Variants in AGAP1 observed in about 807,000 individuals in gnomAD.
AGAP1 encodes ArfGAP with GTPase domain, ankyrin repeat and PH domain 1.
AGAP1 carries 29 observed loss-of-function variants against 105.3 expected under a neutral mutation model. The ratio of observed to expected loss-of-function variants is 0.28; its 90% CI spans 0.21 to 0.38. The LOEUF is 0.38. Among genes scored for constraint, AGAP1 ranks in the 10% least tolerant of loss-of-function variants. AGAP1 has a pLI of 1.00. For missense variants in AGAP1, 998 were observed against 1,165.1 expected (o/e 0.86, Z 2.09); for synonymous variants, 509 against 485.9 (o/e 1.05, Z -0.63).
At chr2:235,779,013 A>G (rs1274257116) in intron 6 of AGAP1, among the ~76,000 whole-genome samples, 1 of 152,218 alleles carries the variant, frequency 6.6e-6, no homozygotes, top group African/African-American at 2.4e-5. Context: ...AAGGAAACTG[A>G]GCCACAAAAG....
At chr2:236,099,427 C>G (rs1329238419) in intron 16 of AGAP1, among the ~76,000 whole-genome samples, 1 of 151,822 alleles carries the variant, frequency 6.6e-6, no homozygotes, top group Non-Finnish European at 1.5e-5. Flanking sequence ...TGCACTCCAG[C>G]CTGGGCGACA....
rs373664289 is a variant in AGAP1 at position 235,596,196 on chromosome 2, C to T, written c.163+101347C>T. The stretch of plus-strand genomic sequence containing the variant: ...TATCCATGAACACTGTAAACATTCC[C>T]AGCTCCATCTAAGGTGATTAAACGG... On this transcript the variant is annotated intron_variant, in intron 1 of 17. Coordinates refer to ENST00000304032, the MANE Select transcript of AGAP1 (RefSeq NM_001037131.3). This position sits in a 1 kb window ranked among gnomAD's most constrained non-coding sequence, Gnocchi z 5.9. Among the ~76,000 whole-genome samples, 2 of 152,334 alleles carry T rather than the reference C, an allele frequency of 1.3e-5. No individual in the cohort carries two copies. Among genetic ancestry groups the T allele is most frequent in the African/African-American group, 4.8e-5 (2 of 41,576 alleles).
At chr2:235,797,633 A>C in intron 6 of AGAP1, 126 bp from the exon 7 acceptor site, 2 of 1,252,088 alleles carry the variant, frequency 1.6e-6, no homozygotes, top group Non-Finnish European at 2.3e-6. Context: ...CCACCTAAGA[A>C]CCAGGAATGC....
chr2:236,043,173 G>A (rs2057606707), intron 15 of AGAP1, among the ~76,000 whole-genome samples: 1 of 152,234 alleles, frequency 6.6e-6, no homozygotes, highest in Non-Finnish European at 1.5e-5. Context: ...CCACACTGAT[G>A]ATGAACTGTA....
chr2:235,511,862 ATG>A (rs1251175475), intron 1 of AGAP1, among the ~76,000 whole-genome samples: 1 of 148,714 alleles, frequency 6.7e-6, no homozygotes, highest in Non-Finnish European at 1.5e-5. Flanking sequence ...ATGTGTGTGA[ATG>A]TGTGTGTGTA....
rs1318070722 is a variant in AGAP1, at chr2:235,566,610, G to C, written c.163+71761G>C. ...CTGTGAGTGGGCAGGTCTGTCTCCT[G>C]CCTCTCTTATTTATGTTGTATGCCT... is the stretch of plus-strand genomic sequence containing the variant. On this transcript the variant is annotated intron_variant, in intron 1 of 17. Transcript: ENST00000304032. The surrounding 1 kb of genome is among the most constrained non-coding windows in gnomAD (Gnocchi z 5.2). 1 of 984,916 alleles carries C rather than the reference G, an allele frequency of 1.0e-6. No homozygotes were observed. The highest frequency in any genetic ancestry group is 1.1e-4 in the East Asian group (1 of 8,798). The allele number at this position is 984,916 out of a possible 1,614,324, so 61.0% of individuals were successfully genotyped here.
intron 9 of AGAP1, among the ~76,000 whole-genome samples, chr2:235,818,550 C>A (rs1467004277): frequency 1.3e-5 from 2 of 152,242 alleles, no homozygotes; most frequent in African/African-American, 2.4e-5. Context: ...TCAAGCTATT[C>A]TTCTGCCTCA....
chr2:235,533,192 A>G (rs999640841), intron 1 of AGAP1, among the ~76,000 whole-genome samples: 1 of 152,232 alleles, frequency 6.6e-6, no homozygotes, highest in African/African-American at 2.4e-5. Flanking sequence ...TAAAAATCTA[A>G]TAATGGTTCA....
Position 235,700,047 on chromosome 2 carries a change from G to A in AGAP1, c.164-9132G>A, listed in dbSNP as rs904403328. Among the ~76,000 whole-genome samples the A allele has an allele frequency of 2.0e-5, 3 of 152,164 alleles. No individual in the cohort carries two copies. The highest frequency in any genetic ancestry group is 7.2e-5 in the African/African-American group (3 of 41,424). On this transcript the variant is annotated intron_variant, in intron 1 of 17. Coordinates refer to ENST00000304032, the MANE Select transcript of AGAP1 (RefSeq NM_001037131.3). This position sits in a 1 kb window ranked among gnomAD's most constrained non-coding sequence, Gnocchi z 6.1. ...GTTAACAAGCTGGGGCCAGAAGGCT[G>A]TACTGCACTGGACCCAAAACCTGCC...
rs980922915 is a variant in AGAP1 at position 235,612,511 on chromosome 2, A to G, written c.164-96668A>G. Among the ~76,000 whole-genome samples the G allele has an allele frequency of 1.6e-4, 24 of 152,208 alleles. No homozygotes were observed. Among genetic ancestry groups the G allele is most frequent in the African/African-American group, 5.5e-4 (23 of 41,452 alleles). On this transcript the variant is annotated intron_variant, in intron 1 of 17. Transcript: ENST00000304032. This position sits in a 1 kb window ranked among gnomAD's most constrained non-coding sequence, Gnocchi z 4.3. ...TGGTCTTTGCCTTTGTACTTATTCA[A>G]ACTGACAAATACTTACTTAATAGCT... is the stretch of plus-strand genomic sequence containing the variant.
intron 1 of AGAP1, among the ~76,000 whole-genome samples, chr2:235,604,365 C>G (rs116217733): frequency 0.056 from 8,452 of 151,368 alleles, 396 homozygotes; most frequent in African/African-American, 0.13. Context: ...ACCTGTAGTG[C>G]CAGCTACTCG....
Position 235,928,113 on chromosome 2 carries a change from C to T in AGAP1, c.1325-2652C>T, listed in dbSNP as rs139120966. Reference sequence around the variant, plus strand: ...GGAGGTGCCCCCCCAATCGCACCCCCAGCTGCTTGCAGGCATCTTGTCATT... The same window carrying T: ...GGAGGTGCCCCCCCAATCGCACCCCTAGCTGCTTGCAGGCATCTTGTCATT... On this transcript the variant is annotated intron_variant, in intron 11 of 17. Transcript: ENST00000304032. Among the ~76,000 whole-genome samples the T allele has an allele frequency of 1.1e-4, 16 of 152,344 alleles. No individual in the cohort carries two copies. In the South Asian group the frequency reaches 1.4e-3, roughly 14 times the overall value.
In AGAP1 at chr2:235,958,025, G is replaced by A. The variant is rs2125297857; in HGVS notation, c.1484-10437G>A. 6.6e-6 allele frequency among the ~76,000 whole-genome samples: 1 copy of A among 152,350 alleles called. No homozygotes were observed. The highest frequency in any genetic ancestry group is 2.1e-4 in the South Asian group (1 of 4,830). The stretch of plus-strand genomic sequence containing the variant: ...CAGGGGGCCGATACATACGTGCTTA[G>A]CATTTTCCTCTCTCTTTTCTTTTGT... On this transcript the variant is annotated intron_variant, in intron 12 of 17. Transcript: ENST00000304032. The surrounding 1 kb of genome is among the most constrained non-coding windows in gnomAD (Gnocchi z 4.1).
intron 1 of AGAP1, among the ~76,000 whole-genome samples, chr2:235,520,175 C>G (rs186688276): frequency 6.6e-6 from 1 of 152,340 alleles, no homozygotes; most frequent in Non-Finnish European, 1.5e-5. Context: ...TTAAAGCACA[C>G]ATGACCACAT....
intron 1 of AGAP1, among the ~76,000 whole-genome samples, chr2:235,571,962 ACATATATAT>A (rs1944534415): frequency 2.4e-5 from 1 of 42,348 alleles, no homozygotes; most frequent in Non-Finnish European, 4.5e-5. Flanking sequence ...GTGTGTGTAT[ACATATATAT>A]GTATACACAC....
rs7585820 is a variant in AGAP1 at position 236,107,832 on chromosome 2, C to T, written c.2115-12360C>T. Among the ~76,000 whole-genome samples, 961 of 152,318 alleles carry T rather than the reference C, an allele frequency of 6.3e-3. 9 individuals are homozygous for T. Among genetic ancestry groups the T allele is most frequent in the African/African-American group, 0.022 (930 of 41,578 alleles). On this transcript the variant is annotated intron_variant, in intron 16 of 17. Coordinates refer to ENST00000304032, the MANE Select transcript of AGAP1 (RefSeq NM_001037131.3). ...ATCTGCCAGCCCCCATACCTGCGGC[C>T]GGGCACATTTAACTGTGACTTGCAG...
At chr2:235,969,327 C>T (rs905816146) in intron 13 of AGAP1, among the ~76,000 whole-genome samples, 17 of 151,804 alleles carry the variant, frequency 1.1e-4, no homozygotes, top group Admixed American at 6.6e-5. Flanking sequence ...CATACACACA[C>T]ACCCCCCACA....
intron 6 of AGAP1, among the ~76,000 whole-genome samples, chr2:235,783,938 A>C (rs1956440940): frequency 2.0e-5 from 3 of 152,120 alleles, no homozygotes; most frequent in South Asian, 4.1e-4. Flanking sequence ...CCTGCACCGT[A>C]GTTGAATTGC....
rs1297237804 is a variant in AGAP1, at chr2:235,744,305, T to G, written c.397-393T>G. Among the ~76,000 whole-genome samples, 1 of 152,036 alleles carries G rather than the reference T, an allele frequency of 6.6e-6. No individual in the cohort carries two copies. Among genetic ancestry groups the G allele is most frequent in the Non-Finnish European group, 1.5e-5 (1 of 68,006 alleles). The stretch of plus-strand genomic sequence containing the variant: ...CTTCCTTAAGAGGTTGAGAGTACAG[T>G]GGAAAGCCTTAGGGCTTGAGGGGCT... On this transcript the variant is annotated intron_variant, in intron 4 of 17. Transcript: ENST00000304032. This position sits in a 1 kb window ranked among gnomAD's most constrained non-coding sequence, Gnocchi z 5.2.
Sources: allele counts gnomAD v4.1 joint callset (sites outside exome capture counted in the v4.1 genomes callset), GRCh38; gene constraint gnomAD v4.1.1; non-coding constraint Gnocchi (gnomAD v3.1); transcripts MANE v1.5; gene names NCBI Gene and HGNC (gene_info 2026-07-23, HGNC 2026-07-21).